GPR55: variants seen among roughly 807,000 people sequenced by gnomAD.
GPR55 encodes the protein G protein-coupled receptor 55, also known as G-protein coupled receptor 55.
A neutral mutation model predicts 7.9 loss-of-function variants in GPR55; 6 were observed. The ratio of observed to expected loss-of-function variants is 0.76; its 90% CI spans 0.41 to 1.49. The LOEUF (loss-of-function observed/expected upper bound fraction) is 1.49, where lower values mean the gene tolerates loss of function less well. GPR55 is among the 40% of genes most tolerant of loss of function. GPR55 has a pLI of 0.01. For missense variants in GPR55, 376 were observed against 406.0 expected, an observed-to-expected ratio of 0.93 and a Z score of 0.63; for synonymous variants, 183 against 166.8, an observed-to-expected ratio of 1.10 and a Z score of -0.75.
At chr2:230,935,946 C>T (rs1691124818) in intron 1 of GPR55, among the ~76,000 whole-genome samples, 1 of 152,014 alleles carries the variant, frequency 6.6e-6, no homozygotes, top group Non-Finnish European at 1.5e-5. Context: ...CTTTGGATGC[C>T]CAGCTTGTAT....
chr2:230,917,931 TA>T (rs377027651), intron 1 of GPR55, among the ~76,000 whole-genome samples: 3,317 of 144,914 alleles, frequency 0.023, 84 homozygotes, highest in African/African-American at 0.071. Context: ...TTGGTTGTTT[TA>T]AAAAAAAAAA....
chr2:230,922,983 C>T (rs1212707758), intron 1 of GPR55, among the ~76,000 whole-genome samples: 1 of 152,180 alleles, frequency 6.6e-6, no homozygotes. Flanking sequence ...GGATTACAGG[C>T]GTGAGCCCGA....
rs1690890439 is a variant in GPR55, at chr2:230,923,715, C to T, written c.-135+1453G>A. Among the ~76,000 whole-genome samples, 1 of 152,018 alleles carries T rather than the reference C, an allele frequency of 6.6e-6. No homozygotes were observed. Among genetic ancestry groups the T allele is most frequent in the South Asian group, 2.1e-4 (1 of 4,824 alleles). The stretch of plus-strand genomic sequence containing the variant: ...ACTCAGGACACTCCTAGGAGATTGC[C>T]CTAATTATGCCCATTTTACAGATAA... On this transcript the variant is annotated intron_variant, in intron 1 of 1. Coordinates refer to ENST00000650999, the MANE Select transcript of GPR55 (RefSeq NM_005683.4). This position sits in a 1 kb window ranked among gnomAD's most constrained non-coding sequence, Gnocchi z 4.1.
At chr2:230,913,225 A>C (rs895369382) in intron 1 of GPR55, among the ~76,000 whole-genome samples, 1 of 152,088 alleles carries the variant, frequency 6.6e-6, no homozygotes, top group Non-Finnish European at 1.5e-5. Flanking sequence ...CATTCCTATG[A>C]CTTATTTCTT....
At chr2:230,943,426 A>C (rs915580910) in intron 1 of GPR55, among the ~76,000 whole-genome samples, 2 of 152,206 alleles carry the variant, frequency 1.3e-5, no homozygotes, top group African/African-American at 2.4e-5. Context: ...ATGGGTGCTA[A>C]GAGATGTCTG....
chr2:230,928,178 G>A (rs923837236), upstream of GPR55, among the ~76,000 whole-genome samples: 8 of 152,268 alleles, frequency 5.3e-5, no homozygotes, highest in South Asian at 2.1e-4. Flanking sequence ...GGGCCGCCCC[G>A]GGGTCCCAGG....
chr2:230,949,610 G>T (rs1326568225), intron 1 of GPR55, among the ~76,000 whole-genome samples: 1 of 151,684 alleles, frequency 6.6e-6, no homozygotes, highest in Non-Finnish European at 1.5e-5. Flanking sequence ...ACTTTCTGGG[G>T]ATCCACAAGG....
rs563581169 is a variant in GPR55, at chr2:230,917,125, T to C, written c.-134-6029A>G. Among the ~76,000 whole-genome samples the C allele has an allele frequency of 4.1e-4, 63 of 152,256 alleles. No individual in the cohort carries two copies. In the South Asian group the frequency reaches 0.013, roughly 31 times the overall value. Reference sequence around the variant, plus strand: ...AGAAGCTTATTTTTATAGAATAAAATAAAAACTCAATTGCGAGGGCAAATG... The same window carrying C: ...AGAAGCTTATTTTTATAGAATAAAACAAAAACTCAATTGCGAGGGCAAATG... On this transcript the variant is annotated intron_variant, in intron 1 of 1. Coordinates refer to ENST00000650999, the MANE Select transcript of GPR55 (RefSeq NM_005683.4).
chr2:230,961,151 GC>G (rs1192241788), upstream of GPR55: 1 of 152,158 alleles, frequency 6.6e-6, no homozygotes, highest in African/African-American at 2.4e-5. Context: ...ATAACTTCAG[GC>G]CCCCTCTAGC....
intron 1 of GPR55, among the ~76,000 whole-genome samples, chr2:230,940,003 C>T (rs1691198900): frequency 6.6e-6 from 1 of 152,146 alleles, no homozygotes; most frequent in African/African-American, 2.4e-5. Flanking sequence ...CTGCCACCCC[C>T]AGTAGGCCCA....
At chr2:230,952,759 G>A (rs563773902) in intron 1 of GPR55, among the ~76,000 whole-genome samples, 8 of 152,206 alleles carry the variant, frequency 5.3e-5, no homozygotes, top group South Asian at 2.1e-4. Flanking sequence ...TCCTCAGGCC[G>A]GCCCCCACAG....
At chr2:230,945,261 A>G (rs1438461473) in intron 1 of GPR55, among the ~76,000 whole-genome samples, 1 of 152,104 alleles carries the variant, frequency 6.6e-6, no homozygotes. Context: ...AGGTGGAAAG[A>G]GGCTGAGAGA....
intron 1 of GPR55, among the ~76,000 whole-genome samples, chr2:230,934,563 T>A (rs1691103333): frequency 6.6e-6 from 1 of 152,186 alleles, no homozygotes; most frequent in Non-Finnish European, 1.5e-5. Flanking sequence ...AGCAAAATGC[T>A]TAGAGCCCGG....
intron 1 of GPR55, among the ~76,000 whole-genome samples, chr2:230,915,905 C>T (rs1235360796): frequency 2.0e-5 from 3 of 152,058 alleles, no homozygotes; most frequent in African/African-American, 4.8e-5. Context: ...GAAAAACAAC[C>T]GCCCCAAAAC....
intron 1 of GPR55, among the ~76,000 whole-genome samples, chr2:230,951,906 A>T (rs911912505): frequency 2.0e-5 from 3 of 150,402 alleles, no homozygotes; most frequent in Non-Finnish European, 4.4e-5. Flanking sequence ...CTACAGGTAC[A>T]TACCACCAGG....
chr2:230,956,584 T>A (rs1691486709), intron 1 of GPR55, among the ~76,000 whole-genome samples: 1 of 152,230 alleles, frequency 6.6e-6, no homozygotes, highest in Non-Finnish European at 1.5e-5. Context: ...TGGAGTAAGT[T>A]GCAGACATAT....
rs1259403638 is a variant in GPR55, at chr2:230,910,764, C to T, written c.199G>A (p.Ala67Thr). 1 of 1,613,934 alleles carries T rather than the reference C, an allele frequency of 6.2e-7. No individual in the cohort carries two copies. Among genetic ancestry groups the T allele is most frequent in the South Asian group, 1.1e-5 (1 of 91,080 alleles). ...AGCACCAGCAGCAGGTCAAAGACTG[C>T]CAGGTTGATCATGTAGATGGAGGTG... The part of the protein sequence containing the change: ...AATSIYMINL[A>T]VFDLLLVLSL... Residue 67 changes from alanine (A) to threonine (T), a missense_variant, in exon 2 of 2, where the codon GCA (alanine) becomes ACA (threonine). Coordinates refer to ENST00000650999, the MANE Select transcript of GPR55 (RefSeq NM_005683.4). The surrounding 1 kb of genome is among the most constrained non-coding windows in gnomAD (Gnocchi z 5.4).
chr2:230,957,281 G>C (rs1273252424), intron 1 of GPR55, among the ~76,000 whole-genome samples: 3 of 152,172 alleles, frequency 2.0e-5, no homozygotes, highest in Non-Finnish European at 4.4e-5. Context: ...CGAATTGCTG[G>C]CATCACTACG....
At chr2:230,936,907 A>G (rs1691141905) in intron 1 of GPR55, among the ~76,000 whole-genome samples, 2 of 152,212 alleles carry the variant, frequency 1.3e-5, no homozygotes, top group African/African-American at 4.8e-5. Context: ...TCTTCTTTTT[A>G]TGCTTGTATA....
Sources: gnomAD v4.1 joint callset for allele counts (sites outside exome capture counted in the v4.1 genomes callset) on GRCh38, gnomAD v4.1.1 for gene constraint, Gnocchi (gnomAD v3.1) non-coding constraint, MANE v1.5 for transcripts, NCBI Gene and HGNC (gene_info 2026-07-23, HGNC 2026-07-21) for gene names.